Variants in ERCC5 observed in about 807,000 individuals in gnomAD.
The protein encoded by ERCC5 is ERCC excision repair 5, endonuclease, also known as DNA excision repair protein ERCC-5.
In ERCC5, 68 loss-of-function variants were observed where a neutral mutation model predicts 105.6. That is an observed-to-expected ratio of 0.64 (90% CI 0.53 to 0.79). ERCC5 has a LOEUF of 0.79. ERCC5 is among the 30% of genes least tolerant of loss of function. The probability of loss-of-function intolerance (pLI) is 0.00; values close to 1 mark genes in which losing one functional copy is unlikely to be tolerated. For missense variants in ERCC5, 1,373 were observed against 1,426.7 expected (o/e 0.96, Z 0.61); for synonymous variants, 546 against 526.2 (o/e 1.04, Z -0.51).
rs1226434507 is a variant in ERCC5, at chr13:102,866,603, G to A, written c.2320-29G>A. 3 of 1,611,568 alleles carry A rather than the reference G, an allele frequency of 1.9e-6. No homozygotes were observed. In the East Asian group the frequency reaches 6.7e-5, roughly 36 times the overall value. On this transcript the variant is annotated intron_variant, in intron 10 of 14. Coordinates refer to ENST00000652225, the MANE Select transcript of ERCC5 (RefSeq NM_000123.4). ...CAGGGCCTGGCGGTGCCCTTCCCTGGGCGTCACTGTGTACCCCTCACTCTG... is the reference window on the plus strand; with the variant it reads ...CAGGGCCTGGCGGTGCCCTTCCCTGAGCGTCACTGTGTACCCCTCACTCTG...
rs768302699 is a variant in ERCC5, at chr13:102,875,874, C to T, written c.3532C>T (p.Arg1178Cys). The change falls in exon 15 of 15, where the codon CGT (arginine) becomes TGT (cysteine). Residue 1178 changes from arginine to cysteine, a missense_variant. This residue lies in a region of ERCC5 where 367 missense variants were observed against 350.2 expected (regional missense o/e 1.05). Transcript: ENST00000652225. ...VFGKKRRKLRRARGRKRKT is the reference protein window; with the variant it reads ...VFGKKRRKLRCARGRKRKT The stretch of plus-strand genomic sequence containing the variant: ...TGGGAAGAAAAGAAGGAAACTAAGA[C>T]GTGCGAGGGGAAGAAAAAGGAAAAC... The T allele has an allele frequency of 1.4e-5, 22 of 1,610,678 alleles. No homozygotes were observed. Among genetic ancestry groups the T allele is most frequent in the Middle Eastern group, 1.6e-4 (1 of 6,084 alleles).
chr13:102,866,043 T>G lies in ERCC5; in HGVS notation c.2199+132T>G. On this transcript the variant is annotated intron_variant, in intron 9 of 14. Transcript: ENST00000652225. Reference sequence around the variant, plus strand: ...CATCTTGTGGTTGCTGATGGCTTCATTTTTGTGTAGGTTACTGGCTGGGAT... The same window carrying G: ...CATCTTGTGGTTGCTGATGGCTTCAGTTTTGTGTAGGTTACTGGCTGGGAT... 1.4e-5 allele frequency: 22 copies of G among 1,559,868 alleles called. 1 individual carries two copies. The South Asian group carries it at 2.4e-4, about 17-fold the overall frequency.
chr13:102,861,721 G>GGGGT lies in ERCC5; in HGVS notation c.880+8_880+9insGGTG. On this transcript the variant is annotated splice_region_variant and intron_variant, in intron 7 of 14. Coordinates refer to ENST00000652225, the MANE Select transcript of ERCC5 (RefSeq NM_000123.4). ...CATTACATCTTGATAAAAGGTATCA[G>GGGGT]GCACCATCATTTATATATTTACATT... 1 of 1,613,982 alleles carries GGGGT rather than the reference G, an allele frequency of 6.2e-7. No homozygotes were observed. Among genetic ancestry groups the GGGGT allele is most frequent in the Non-Finnish European group, 8.5e-7 (1 of 1,179,948 alleles).
At chr13:102,856,323 A>G (rs139202773) in intron 5 of ERCC5, among the ~76,000 whole-genome samples, 69 of 152,212 alleles carry the variant, frequency 4.5e-4, no homozygotes, top group African/African-American at 1.6e-3. Flanking sequence ...GGAATTTGCC[A>G]TTATGCACAT....
chr13:102,857,624 G>T (rs1439529895), intron 5 of ERCC5, among the ~76,000 whole-genome samples: 1 of 96,060 alleles, frequency 1.0e-5, no homozygotes, highest in East Asian at 2.1e-4. Context: ...TGTCTTCTGT[G>T]AATTTCTTTT....
intron 12 of ERCC5, 43 bp downstream of exon 12, chr13:102,868,300 C>A: frequency 6.2e-7 from 1 of 1,610,772 alleles, no homozygotes. Flanking sequence ...TGTGTAAATA[C>A]CCAAATAAGC....
At chr13:102,850,002 C>T (rs1019662167) in intron 1 of ERCC5, among the ~76,000 whole-genome samples, 9 of 151,252 alleles carry the variant, frequency 6.0e-5, no homozygotes, top group African/African-American at 9.7e-5. Flanking sequence ...AGTGCAGTGG[C>T]GTGATCTTGG....
chr13:102,846,392 A>G, intron 1 of ERCC5, 38 bp downstream of exon 1: 1 of 1,572,636 alleles, frequency 6.4e-7, no homozygotes, highest in Non-Finnish European at 8.7e-7. Flanking sequence ...GGGTGCAGGG[A>G]TTCGGGGCTG....
rs1595389926 is a variant in ERCC5, at chr13:102,872,113, A to G, written c.2679-85A>G. Reference sequence around the variant, plus strand: ...AATTTGAGTTAGAACTTGAGTTTACATGTTCTAAGTTTAGTTCTTCATCCA... The same window carrying G: ...AATTTGAGTTAGAACTTGAGTTTACGTGTTCTAAGTTTAGTTCTTCATCCA... On this transcript the variant is annotated intron_variant, in intron 12 of 14. Transcript: ENST00000652225. 7 of 1,492,246 alleles carry G rather than the reference A, an allele frequency of 4.7e-6. No homozygotes were observed. The South Asian group carries it at 4.8e-5, about 10-fold the overall frequency. The allele number at this position is 1,492,246 out of a possible 1,614,324, so 92.4% of individuals were successfully genotyped here.
intron 11 of ERCC5, 51 bp from the exon 12 acceptor site, chr13:102,868,062 A>G (rs774479182): frequency 1.3e-6 from 2 of 1,549,266 alleles, no homozygotes; most frequent in East Asian, 4.8e-5. Context: ...ATGTTTATAA[A>G]TGTCATATAA....
intron 6 of ERCC5, among the ~76,000 whole-genome samples, 176 bp from the exon 7 acceptor site, chr13:102,861,331 A>AT (rs1188874259): frequency 5.9e-5 from 9 of 151,976 alleles, no homozygotes; most frequent in African/African-American, 1.9e-4. Context: ...TTCGAAGATT[A>AT]TTTTTTTAAA....
chr13:102,862,190 T>C lies in ERCC5; in HGVS notation c.1041T>C (p.Ala347=), dbSNP rs116926104. The C allele has an allele frequency of 6.2e-6, 10 of 1,614,076 alleles. No homozygotes were observed. The East Asian group carries it at 2.0e-4, about 32-fold the overall frequency. The change falls in exon 8 of 15, where the codon GCT becomes GCC. Residue 347 remains alanine (A), a synonymous_variant. Coordinates refer to ENST00000652225, the MANE Select transcript of ERCC5 (RefSeq NM_000123.4). ...ATPPSPRTLL[A]MQAALLGSSS... Reference sequence around the variant, plus strand: ...CTCCTTCTCCAAGAACTTTACTAGCTATGCAAGCTGCCCTGCTGGGAAGTA... The same window carrying C: ...CTCCTTCTCCAAGAACTTTACTAGCCATGCAAGCTGCCCTGCTGGGAAGTA...
At chr13:102,861,807 A>G in intron 7 of ERCC5, 93 bp downstream of exon 7, 1 of 1,478,304 alleles carries the variant, frequency 6.8e-7, no homozygotes, top group African/African-American at 1.4e-5. Context: ...GGATAATATT[A>G]ATGAAATTCT....
At chr13:102,858,094 A>G (rs1882490909) in intron 5 of ERCC5, among the ~76,000 whole-genome samples, 181 bp from the exon 6 acceptor site, 1 of 152,174 alleles carries the variant, frequency 6.6e-6, no homozygotes, top group Admixed American at 6.5e-5. Flanking sequence ...GTGAATGGCT[A>G]CATTCCCTAA....
intron 4 of ERCC5, 53 bp downstream of exon 4, chr13:102,854,427 A>G: frequency 6.4e-7 from 1 of 1,557,620 alleles, no homozygotes. Flanking sequence ...ACATTCAGAC[A>G]CATTTAAACC....
At chr13:102,856,287 C>G (rs1461151509) in intron 5 of ERCC5, among the ~76,000 whole-genome samples, 175 bp downstream of exon 5, 1 of 94,278 alleles carries the variant, frequency 1.1e-5, no homozygotes, top group African/African-American at 3.9e-5. Flanking sequence ...ACACACTCAC[C>G]TACACACGTG....
At chr13:102,848,796 G>T (rs771706908) in intron 1 of ERCC5, among the ~76,000 whole-genome samples, 1 of 151,860 alleles carries the variant, frequency 6.6e-6, no homozygotes, top group African/African-American at 2.4e-5. Context: ...AATATTTTCA[G>T]GTCGTCTAAT....
chr13:102,854,463 C>A, intron 4 of ERCC5, 89 bp downstream of exon 4: 2 of 1,299,934 alleles, frequency 1.5e-6, no homozygotes, highest in Non-Finnish European at 2.2e-6. Flanking sequence ...CATGATAAGG[C>A]ATGTGAACAT....
chr13:102,853,847 A>T lies in ERCC5; in HGVS notation c.355A>T (p.Ile119Phe). ...GAAAACATTTTTGAAAAGACAAGCC[A>T]TCAAAACTGCCTTCAGAAGCAAAAG... Reference protein sequence around the residue: ...LLKTFLKRQAIKTAFRSKRDE... With the variant: ...LLKTFLKRQAFKTAFRSKRDE... The change falls in exon 3 of 15, where the codon ATC (isoleucine) becomes TTC (phenylalanine). Residue 119 changes from isoleucine to phenylalanine, a missense_variant. This residue lies in a region of ERCC5 where 1,004 missense variants were observed against 1,059.7 expected (regional missense o/e 0.95). Transcript: ENST00000652225. 1 of 1,614,228 alleles carries T rather than the reference A, an allele frequency of 6.2e-7. No homozygotes were observed.
Sources: gnomAD v4.1 joint callset for allele counts (sites outside exome capture counted in the v4.1 genomes callset) on GRCh38, gnomAD v4.1.1 for gene constraint, gnomAD v4.1.1 regional missense constraint, MANE v1.5 for transcripts, NCBI Gene and HGNC (gene_info 2026-07-23, HGNC 2026-07-21) for gene names.